Variants in ZNF98 observed in about 807,000 individuals in gnomAD.
ZNF98 encodes the protein zinc finger protein 98, also known as zinc finger protein 739.
A neutral mutation model predicts 12.8 loss-of-function variants in ZNF98; 8 were observed. The observed-to-expected ratio is 0.63, with a 90% CI of 0.37 to 1.13. ZNF98 has a LOEUF of 1.13. Ranked by LOEUF, ZNF98 falls within the 50% of genes most tolerant of loss-of-function variation. ZNF98 has a pLI of 0.01. For synonymous variants in ZNF98, 112 were observed against 223.5 expected, an observed-to-expected ratio of 0.50 and a Z score of 4.45; for missense variants, 379 against 666.1, an observed-to-expected ratio of 0.57 and a Z score of 4.74.
intron 1 of ZNF98, among the ~76,000 whole-genome samples, chr19:22,421,629 A>G (rs1969705170): frequency 6.6e-6 from 1 of 152,210 alleles, no homozygotes; most frequent in African/African-American, 2.4e-5. Flanking sequence ...ACGTAAATGT[A>G]CCTAACCGAT....
intron 1 of ZNF98, among the ~76,000 whole-genome samples, chr19:22,417,106 G>GT (rs1969652527): frequency 6.6e-6 from 1 of 151,876 alleles, no homozygotes; most frequent in South Asian, 2.1e-4. Flanking sequence ...GCACATGCCT[G>GT]TAATTCCAGC....
chr19:22,415,398 C>T (rs1568296502), intron 1 of ZNF98, among the ~76,000 whole-genome samples: 1 of 152,100 alleles, frequency 6.6e-6, no homozygotes, highest in African/African-American at 2.4e-5. Context: ...TAAAGACATA[C>T]GCATGTTCAT....
intron 3 of ZNF98, among the ~76,000 whole-genome samples, chr19:22,396,763 C>A (rs1345909793): frequency 6.6e-6 from 1 of 152,158 alleles, no homozygotes; most frequent in African/African-American, 2.4e-5. Context: ...AAGTCAAAAA[C>A]TGTCATGTTT....
intron 3 of ZNF98, among the ~76,000 whole-genome samples, chr19:22,400,597 A>G (rs1177818342): frequency 6.6e-6 from 1 of 151,434 alleles, no homozygotes; most frequent in Non-Finnish European, 1.5e-5. Context: ...CTACAAACCC[A>G]TAGGACATCC....
intron 3 of ZNF98, among the ~76,000 whole-genome samples, chr19:22,398,661 T>C (rs576965221): frequency 2.6e-5 from 4 of 152,284 alleles, no homozygotes; most frequent in African/African-American, 9.6e-5. Context: ...GGCCATGAAA[T>C]GTACATTCAA....
chr19:22,392,463 T>C lies in ZNF98; in HGVS notation c.772A>G (p.Ile258Val), dbSNP rs1234331833. The C allele has an allele frequency of 4.5e-6, 7 of 1,571,942 alleles. No homozygotes were observed. Among genetic ancestry groups the C allele is most frequent in the East Asian group, 2.3e-5 (1 of 43,742 alleles). The change falls in exon 4 of 4, where the codon ATA becomes GTA. Residue 258 changes from isoleucine (I) to valine (V), a missense_variant. Ile to Val is a conservative substitution (Grantham distance 29). This residue lies in a region of ZNF98 where 24 missense variants were observed against 48.8 expected (regional missense o/e 0.49). Coordinates refer to ENST00000357774, the MANE Select transcript of ZNF98 (RefSeq NM_001098626.2). The stretch of plus-strand genomic sequence containing the variant: ...TAGGGTTTCTTTCCAGTATGAATTA[T>C]CTTATGTGTAGTAAGGTGTGAGAGC... ...NRLSHLTTHK[I>V]IHTGKKPYKC...
At chr19:22,419,916 G>T (rs950607331) in intron 1 of ZNF98, among the ~76,000 whole-genome samples, 4 of 152,188 alleles carry the variant, frequency 2.6e-5, no homozygotes, top group Non-Finnish European at 4.4e-5. Context: ...CCAGCACTTT[G>T]GGAGAACGAG....
chr19:22,391,705 C>T lies in ZNF98; in HGVS notation c.1530G>A (p.Met510Ile), dbSNP rs200235405. Residue 510 changes from methionine (M) to isoleucine (I), a missense_variant, in exon 4 of 4, where the codon ATG (methionine) becomes ATA (isoleucine). Met to Ile is a conservative substitution (Grantham distance 10, BLOSUM62 1). Coordinates refer to ENST00000357774, the MANE Select transcript of ZNF98 (RefSeq NM_001098626.2). The stretch of plus-strand genomic sequence containing the variant: ...TGTAGGGTTTCTCTCCAGTATGAAT[C>T]ATCTTATGTGTAGTAAGGTGTGAGG... ...NQSSHLTTHKMIHTGEKPYKC... is the reference protein window; with the variant it reads ...NQSSHLTTHKIIHTGEKPYKC... 4.2e-4 allele frequency: 673 copies of T among 1,610,424 alleles called. 8 individuals carry two copies. Among genetic ancestry groups the T allele is most frequent in the Non-Finnish European group, 7.7e-5 (91 of 1,178,596 alleles).
In ZNF98 at chr19:22,392,626, A is replaced by C. The variant is rs766280454; in HGVS notation, c.609T>G (p.Ile203Met). The C allele has an allele frequency of 1.9e-5, 31 of 1,596,488 alleles. No individual in the cohort carries two copies. In the South Asian group the frequency reaches 3.2e-4, roughly 17 times the overall value. ...ATTTGTAGGGTTTCTCTCCACTATG[A>C]ATTCTTTTATGTTGAGCTAAGTGTG... ...MLSHLAQHKR[I>M]HSGEKPYKCK... Residue 203 changes from isoleucine (I) to methionine (M), a missense_variant, in exon 4 of 4, where the codon ATT becomes ATG. Transcript: ENST00000357774.
At position 22,397,567 on chromosome 19, in the gene ZNF98, A is replaced by G. The variant is rs1389959135; in HGVS notation, c.254-4586T>C. On this transcript the variant is annotated intron_variant, in intron 3 of 3. Transcript: ENST00000357774. ...ACTGAAATTTTATAAATTACTTTCT[A>G]TCACCAAAATGAAATGAGTATACAA... Among the ~76,000 whole-genome samples the G allele has an allele frequency of 3.3e-5, 5 of 151,352 alleles. No homozygotes were observed. The Admixed American group carries it at 3.3e-4, about 10-fold the overall frequency.
At chr19:22,408,019 C>T (rs1480368247) in intron 1 of ZNF98, among the ~76,000 whole-genome samples, 7 of 151,954 alleles carry the variant, frequency 4.6e-5, no homozygotes, top group Non-Finnish European at 1.0e-4. Context: ...TGCAGTGAGC[C>T]GAGATCACGC....
At chr19:22,413,867 C>T (rs1371020866) in intron 1 of ZNF98, among the ~76,000 whole-genome samples, 1 of 62,858 alleles carries the variant, frequency 1.6e-5, no homozygotes, top group African/African-American at 6.3e-5. Context: ...AAAACTCCGT[C>T]TCAAAAAAAA....
intron 1 of ZNF98, among the ~76,000 whole-genome samples, chr19:22,412,652 A>G (rs556702657): frequency 2.0e-5 from 3 of 151,902 alleles, no homozygotes; most frequent in Admixed American, 2.0e-4. Flanking sequence ...AAAAAAAAAA[A>G]AAAGATAAAT....
At chr19:22,400,576 A>T (rs1298235944) in intron 3 of ZNF98, among the ~76,000 whole-genome samples, 23 of 151,152 alleles carry the variant, frequency 1.5e-4, no homozygotes, top group Admixed American at 1.4e-3. Flanking sequence ...CAAGCTACCT[A>T]CCCCTCTCCA....
chr19:22,413,008 GCAC>G (rs949821025), intron 1 of ZNF98, among the ~76,000 whole-genome samples: 11 of 151,954 alleles, frequency 7.2e-5, no homozygotes, highest in African/African-American at 2.7e-4. Flanking sequence ...AGCCGAGATT[GCAC>G]CACTGCACTC....
At chr19:22,398,075 T>G (rs1451539269) in intron 3 of ZNF98, among the ~76,000 whole-genome samples, 3 of 151,710 alleles carry the variant, frequency 2.0e-5, no homozygotes, top group Non-Finnish European at 2.9e-5. Flanking sequence ...ACCAAATCGT[T>G]CAGCAGATAT....
intron 1 of ZNF98, among the ~76,000 whole-genome samples, chr19:22,410,371 C>A (rs1599388926): frequency 1.3e-5 from 2 of 152,168 alleles, no homozygotes. Flanking sequence ...CAATGACAGA[C>A]TTGACAAATA....
chr19:22,402,637 G>T (rs1358072001), intron 3 of ZNF98, 152 bp downstream of exon 3: 1 of 834,818 alleles, frequency 1.2e-6, no homozygotes, highest in Non-Finnish European at 1.7e-6. Flanking sequence ...ATGCTTCTAT[G>T]TGAAAGCAAA....
At chr19:22,404,540 T>TCA (rs1969498588) in intron 1 of ZNF98, among the ~76,000 whole-genome samples, 2 of 152,142 alleles carry the variant, frequency 1.3e-5, no homozygotes, top group Admixed American at 1.3e-4. Context: ...AAAAAATCTG[T>TCA]CAGAGTTCAT....
Sources: allele counts gnomAD v4.1 joint callset (sites outside exome capture counted in the v4.1 genomes callset), GRCh38; gene constraint gnomAD v4.1.1; regional missense constraint gnomAD v4.1.1; transcripts MANE v1.5; gene names NCBI Gene and HGNC (gene_info 2026-07-23, HGNC 2026-07-21).